CTNNA3: variants seen among roughly 807,000 people sequenced by gnomAD.
CTNNA3 encodes catenin alpha-3.
A neutral mutation model predicts 95.7 loss-of-function variants in CTNNA3; 76 were observed. The observed-to-expected ratio is 0.79, with a 90% CI of 0.66 to 0.96. CTNNA3 has a LOEUF of 0.96. Ranked by LOEUF, CTNNA3 falls within the 40% of genes least tolerant of loss-of-function variation. The pLI, the probability that CTNNA3 is intolerant of heterozygous loss-of-function variation, is 0.00. For synonymous variants in CTNNA3, 431 were observed against 374.4 expected (o/e 1.15, Z -1.74); for missense variants, 1,191 against 1,089.8 (o/e 1.09, Z -1.31).
At chr10:66,764,306 A>C (rs564929955) in intron 9 of CTNNA3, among the ~76,000 whole-genome samples, 2 of 152,320 alleles carry the variant, frequency 1.3e-5, no homozygotes, top group South Asian at 4.1e-4. Flanking sequence ...CTGTGTCTAC[A>C]TAACAGTAAA....
intron 7 of CTNNA3, among the ~76,000 whole-genome samples, chr10:67,069,789 GT>G (rs1489239740): frequency 1.3e-5 from 2 of 152,042 alleles, no homozygotes; most frequent in African/African-American, 2.4e-5. Flanking sequence ...TACTTCTACT[GT>G]ATGAATATTC....
Position 66,615,813 on chromosome 10 carries a change from T to C in CTNNA3, c.1374+5879A>G, listed in dbSNP as rs1844491015. Among the ~76,000 whole-genome samples, 3 of 152,120 alleles carry C rather than the reference T, an allele frequency of 2.0e-5. 1 individual carries two copies. In the East Asian group the frequency reaches 5.8e-4, roughly 29 times the overall value. On this transcript the variant is annotated intron_variant, in intron 10 of 17. Coordinates refer to ENST00000433211, the MANE Select transcript of CTNNA3 (RefSeq NM_013266.4). ...GTCCCTCTCAACTCCTGATGACCCA[T>C]GTGCTTTTGATGTGCAATCGTTTCA...
intron 6 of CTNNA3, among the ~76,000 whole-genome samples, chr10:67,183,007 T>C (rs542635724): frequency 2.0e-5 from 3 of 152,288 alleles, no homozygotes; most frequent in African/African-American, 7.2e-5. Context: ...TCACACCAGT[T>C]AGAATGGCGA....
chr10:67,617,616 T>C (rs1276976365), intron 2 of CTNNA3, among the ~76,000 whole-genome samples: 3 of 152,206 alleles, frequency 2.0e-5, no homozygotes, highest in Non-Finnish European at 4.4e-5. Context: ...TCTGGGTATA[T>C]ATCCAGTAAT....
intron 5 of CTNNA3, among the ~76,000 whole-genome samples, chr10:67,380,253 A>C (rs1843885673): frequency 6.6e-6 from 1 of 152,202 alleles, no homozygotes; most frequent in Non-Finnish European, 1.5e-5. Context: ...AGAAAATCTA[A>C]GGTACGATGT....
At chr10:67,693,635 T>G (rs1277151593) in intron 1 of CTNNA3, among the ~76,000 whole-genome samples, 1 of 152,218 alleles carries the variant, frequency 6.6e-6, no homozygotes, top group African/African-American at 2.4e-5. Context: ...TTAAAAAGTT[T>G]TTTAATACAG....
intron 6 of CTNNA3, among the ~76,000 whole-genome samples, chr10:67,214,794 C>A (rs558416774): frequency 6.6e-6 from 1 of 152,072 alleles, no homozygotes; most frequent in Non-Finnish European, 1.5e-5. Context: ...AAGAACTCGG[C>A]TATCATTCAC....
intron 13 of CTNNA3, among the ~76,000 whole-genome samples, chr10:66,264,161 G>A (rs1451278675): frequency 6.6e-6 from 1 of 151,830 alleles, no homozygotes; most frequent in East Asian, 1.9e-4. Flanking sequence ...ACTATGAAAT[G>A]AGCAAATTCA....
intron 7 of CTNNA3, among the ~76,000 whole-genome samples, chr10:66,907,913 C>G (rs1846060953): frequency 6.6e-6 from 1 of 152,066 alleles, no homozygotes; most frequent in African/African-American, 2.4e-5. Flanking sequence ...AAATTAAAGC[C>G]AATCTCAAAA....
chr10:67,441,359 A>G (rs1455352899), intron 5 of CTNNA3, among the ~76,000 whole-genome samples: 4 of 152,124 alleles, frequency 2.6e-5, no homozygotes, highest in Admixed American at 2.0e-4. Flanking sequence ...GGTCTTAAAG[A>G]GGAGGTAGAA....
At chr10:66,876,615 C>G (rs1844632284) in intron 7 of CTNNA3, among the ~76,000 whole-genome samples, 1 of 151,990 alleles carries the variant, frequency 6.6e-6, no homozygotes, top group Non-Finnish European at 1.5e-5. Context: ...TCACCTGCAG[C>G]CATGATTGAA....
At chr10:66,141,115 C>T (rs1170985840) in intron 13 of CTNNA3, among the ~76,000 whole-genome samples, 1 of 151,800 alleles carries the variant, frequency 6.6e-6, no homozygotes, top group Non-Finnish European at 1.5e-5. Flanking sequence ...AAAAATTAGC[C>T]TGGCATGGTG....
intron 7 of CTNNA3, among the ~76,000 whole-genome samples, chr10:67,112,146 T>C (rs1253500433): frequency 1.3e-5 from 2 of 152,192 alleles, no homozygotes; most frequent in African/African-American, 4.8e-5. Context: ...GTCATTATGA[T>C]AATACACCTT....
chr10:66,749,383 A>T (rs940189697), intron 9 of CTNNA3, among the ~76,000 whole-genome samples: 3 of 151,902 alleles, frequency 2.0e-5, no homozygotes, highest in Non-Finnish European at 2.9e-5. Flanking sequence ...CTCCCTCTTC[A>T]CTATCCCCTG....
At chr10:67,131,403 C>T (rs1395249029) in intron 7 of CTNNA3, among the ~76,000 whole-genome samples, 3 of 152,022 alleles carry the variant, frequency 2.0e-5, no homozygotes, top group Non-Finnish European at 4.4e-5. Context: ...ACCATTTAAA[C>T]AATATCTGGC....
At chr10:67,541,481 A>C (rs1238139332) in intron 3 of CTNNA3, among the ~76,000 whole-genome samples, 1 of 152,016 alleles carries the variant, frequency 6.6e-6, no homozygotes, top group Non-Finnish European at 1.5e-5. Flanking sequence ...AGCAATACCA[A>C]GTTAGGAACT....
At chr10:66,906,975 C>A (rs1366720524) in intron 7 of CTNNA3, among the ~76,000 whole-genome samples, 3 of 152,002 alleles carry the variant, frequency 2.0e-5, no homozygotes, top group Admixed American at 6.5e-5. Flanking sequence ...TGGAAATTTA[C>A]ATAACATAAT....
intron 10 of CTNNA3, among the ~76,000 whole-genome samples, chr10:66,607,600 A>C (rs1359263966): frequency 6.6e-6 from 1 of 152,068 alleles, no homozygotes; most frequent in Admixed American, 6.6e-5. Context: ...ATCAAAAAGC[A>C]AATGCATGAT....
At chr10:67,649,268 T>G (rs1478655091) in intron 1 of CTNNA3, among the ~76,000 whole-genome samples, 3 of 152,222 alleles carry the variant, frequency 2.0e-5, no homozygotes, top group Non-Finnish European at 4.4e-5. Flanking sequence ...ACATGTCATT[T>G]TCACCGTGAA....
Sources: allele counts gnomAD v4.1 joint callset (sites outside exome capture counted in the v4.1 genomes callset), GRCh38; gene constraint gnomAD v4.1.1; transcripts MANE v1.5; gene names NCBI Gene and HGNC (gene_info 2026-07-23, HGNC 2026-07-21).